EGFLAM: variants seen among roughly 807,000 people sequenced by gnomAD.
EGFLAM encodes the protein EGF like, fibronectin type III and laminin G domains.
In EGFLAM, 79 loss-of-function variants were observed where a neutral mutation model predicts 113.1. That is an observed-to-expected ratio of 0.70 (90% confidence interval 0.58 to 0.84). EGFLAM has a LOEUF of 0.84. Among genes scored for constraint, EGFLAM ranks in the 40% least tolerant of loss-of-function variants. The probability of loss-of-function intolerance (pLI) is 0.00; values close to 1 mark genes in which losing one functional copy is unlikely to be tolerated. For synonymous variants in EGFLAM, 504 were observed against 487.6 expected, an observed-to-expected ratio of 1.03 and a Z score of -0.44; for missense variants, 1,265 against 1,291.6, an observed-to-expected ratio of 0.98 and a Z score of 0.32.
chr5:38,300,564 C>T (rs977874197), intron 1 of EGFLAM, among the ~76,000 whole-genome samples: 8 of 152,052 alleles, frequency 5.3e-5, no homozygotes, highest in South Asian at 4.1e-4. Flanking sequence ...TTAGTACAGA[C>T]GAGCTTTCAC....
At position 38,297,220 on chromosome 5, in the gene EGFLAM, G is replaced by C. The variant is rs574259250; in HGVS notation, c.97+38369G>C. Among the ~76,000 whole-genome samples the C allele has an allele frequency of 2.0e-5, 3 of 152,294 alleles. No homozygotes were observed. In the East Asian group the frequency reaches 5.8e-4, roughly 29 times the overall value. ...TATGGTTATGTAAGATTTAACATTA[G>C]AGGCAGCTGGGTGAAGGATATAAAG... On this transcript the variant is annotated intron_variant, in intron 1 of 21. Transcript: ENST00000322350.
At chr5:38,445,904 C>T (rs1192907176) in intron 17 of EGFLAM, among the ~76,000 whole-genome samples, 1 of 152,160 alleles carries the variant, frequency 6.6e-6, no homozygotes, top group African/African-American at 2.4e-5. Context: ...CGCCCACAGA[C>T]CCCCTCGGAA....
chr5:38,340,482 C>A (rs1316049667), intron 3 of EGFLAM, among the ~76,000 whole-genome samples: 1 of 152,188 alleles, frequency 6.6e-6, no homozygotes, highest in Non-Finnish European at 1.5e-5. Flanking sequence ...TGCATAGGGG[C>A]TACTCTATGC....
At chr5:38,410,369 C>G (rs977751231) in intron 10 of EGFLAM, among the ~76,000 whole-genome samples, 1 of 152,172 alleles carries the variant, frequency 6.6e-6, no homozygotes, top group African/African-American at 2.4e-5. Flanking sequence ...GTAGCACTGG[C>G]AGTTGTTAGC....
At chr5:38,327,036 G>C (rs1474995844) in intron 1 of EGFLAM, among the ~76,000 whole-genome samples, 2 of 151,884 alleles carry the variant, frequency 1.3e-5, no homozygotes, top group Non-Finnish European at 2.9e-5. Context: ...GACCTCAGGT[G>C]ATCCACCCAC....
chr5:38,404,615 TTA>T (rs1206418319), intron 6 of EGFLAM, among the ~76,000 whole-genome samples: 1 of 152,196 alleles, frequency 6.6e-6, no homozygotes, highest in Non-Finnish European at 1.5e-5. Flanking sequence ...TAAGTTTAGT[TTA>T]TGTTTTTTAT....
At chr5:38,346,401 C>T (rs1263929410) in intron 3 of EGFLAM, 1 of 152,168 alleles carries the variant, frequency 6.6e-6, no homozygotes, top group Non-Finnish European at 1.5e-5. Context: ...GCTCAAATCC[C>T]TATTTTGCCA....
At chr5:38,282,617 C>G (rs1758046907) in intron 1 of EGFLAM, 1 of 134,694 alleles carries the variant, frequency 7.4e-6, no homozygotes, top group Admixed American at 7.9e-5. Flanking sequence ...AATGGTGAGG[C>G]CCCAGAGGTT....
chr5:38,449,433 C>T (rs1742833811), intron 18 of EGFLAM, among the ~76,000 whole-genome samples: 1 of 152,176 alleles, frequency 6.6e-6, no homozygotes, highest in African/African-American at 2.4e-5. Context: ...AAAATGGATT[C>T]CCAGCCAAGA....
chr5:38,422,740 G>A (rs1241082843), intron 12 of EGFLAM, among the ~76,000 whole-genome samples: 1 of 152,182 alleles, frequency 6.6e-6, no homozygotes, highest in Non-Finnish European at 1.5e-5. Context: ...TAAATGGAAG[G>A]TGACAACAGC....
intron 3 of EGFLAM, among the ~76,000 whole-genome samples, chr5:38,344,469 G>A (rs1398802209): frequency 7.9e-6 from 1 of 126,080 alleles, no homozygotes; most frequent in Admixed American, 8.7e-5. Context: ...GGCAACAAGA[G>A]TGAAACTCTG....
chr5:38,277,235 C>T (rs556179096), intron 1 of EGFLAM, among the ~76,000 whole-genome samples: 154 of 152,160 alleles, frequency 1.0e-3, no homozygotes, highest in African/African-American at 3.6e-3. Context: ...AGGATTCATC[C>T]CTGGGATGCA....
chr5:38,315,211 C>T (rs1032424862), intron 1 of EGFLAM, among the ~76,000 whole-genome samples: 6 of 152,138 alleles, frequency 3.9e-5, no homozygotes, highest in Non-Finnish European at 7.4e-5. Flanking sequence ...ATCTCATTTA[C>T]TAGGTATTGA....
intron 17 of EGFLAM, chr5:38,445,587 C>T (rs1742680816): frequency 6.3e-7 from 1 of 1,597,644 alleles, no homozygotes; most frequent in Admixed American, 1.7e-5. Context: ...ACAAGGCTGG[C>T]TTCAAGTGAT....
chr5:38,258,853 T>C lies in EGFLAM; in HGVS notation c.97+2T>C, dbSNP rs747087828. On this transcript the variant is annotated splice_donor_variant, in intron 1 of 21. Coordinates refer to ENST00000322350, the MANE Select transcript of EGFLAM (RefSeq NM_152403.4). LOFTEE classifies it high-confidence loss of function. Reference sequence around the variant, plus strand: ...TCCGAGCGGCCATCCGAAAACCAGGTAATGCGCTCCTCCGCCCAGAGCCAC... The same window carrying C: ...TCCGAGCGGCCATCCGAAAACCAGGCAATGCGCTCCTCCGCCCAGAGCCAC... 3.1e-6 allele frequency: 5 copies of C among 1,610,988 alleles called. No individual in the cohort carries two copies. The highest frequency in any genetic ancestry group is 1.1e-5 in the South Asian group (1 of 90,906).
At chr5:38,420,154 C>T (rs1741779370) in intron 12 of EGFLAM, among the ~76,000 whole-genome samples, 1 of 152,226 alleles carries the variant, frequency 6.6e-6, no homozygotes, top group Admixed American at 6.5e-5. Flanking sequence ...CATTCTGGCA[C>T]AAGTGACTAC....
chr5:38,426,166 T>A (rs1036300214), intron 13 of EGFLAM, among the ~76,000 whole-genome samples: 2 of 151,836 alleles, frequency 1.3e-5, no homozygotes, highest in African/African-American at 4.8e-5. Flanking sequence ...GGGACAAAAG[T>A]AACCTTTTTT....
chr5:38,454,692 A>G (rs915726264), intron 19 of EGFLAM, among the ~76,000 whole-genome samples: 1 of 152,196 alleles, frequency 6.6e-6, no homozygotes, highest in African/African-American at 2.4e-5. Flanking sequence ...TACAGAGCAG[A>G]CAAATCGTTC....
chr5:38,347,509 ATGAGG>A (rs1739503205), intron 3 of EGFLAM, among the ~76,000 whole-genome samples: 2 of 152,098 alleles, frequency 1.3e-5, no homozygotes, highest in South Asian at 4.1e-4. Flanking sequence ...GGCCAGAGAA[ATGAGG>A]TAACGTCTCA....
Sources: gnomAD v4.1 joint callset for allele counts (sites outside exome capture counted in the v4.1 genomes callset) on GRCh38, gnomAD v4.1.1 for gene constraint, MANE v1.5 for transcripts, NCBI Gene and HGNC (gene_info 2026-07-23, HGNC 2026-07-21) for gene names.